TSPAN18: variants seen among roughly 807,000 people sequenced by gnomAD.
TSPAN18 encodes tetraspanin-18.
A neutral mutation model predicts 27.3 loss-of-function variants in TSPAN18; 14 were observed. The ratio of observed to expected loss-of-function variants is 0.51; its 90% CI spans 0.34 to 0.80. The LOEUF is 0.80. Among genes scored for constraint, TSPAN18 ranks in the 30% least tolerant of loss-of-function variants. The pLI, the probability that TSPAN18 is intolerant of heterozygous loss-of-function variation, is 0.01. For missense variants in TSPAN18, 268 were observed against 323.9 expected (o/e 0.83, Z 1.32); for synonymous variants, 143 against 136.5 (o/e 1.05, Z -0.33).
rs75382772 is a variant in TSPAN18, at chr11:44,838,561, C to T, written c.-152-21767C>T. 4.7e-3 allele frequency among the ~76,000 whole-genome samples: 722 copies of T among 152,208 alleles called. 7 individuals are homozygous for T. Among genetic ancestry groups the T allele is most frequent in the African/African-American group, 0.017 (695 of 41,524 alleles). ...GTTGTCCTGGAATGTCAAGGTGCAGCCAATCAAATCACACGGGTCCTTACA... is the reference window on the plus strand; with the variant it reads ...GTTGTCCTGGAATGTCAAGGTGCAGTCAATCAAATCACACGGGTCCTTACA... On this transcript the variant is annotated intron_variant, in intron 2 of 9. Coordinates refer to ENST00000520358, the MANE Select transcript of TSPAN18 (RefSeq NM_130783.5).
intron 3 of TSPAN18, among the ~76,000 whole-genome samples, chr11:44,866,938 A>C (rs1413670136): frequency 1.3e-5 from 2 of 152,220 alleles, no homozygotes; most frequent in Non-Finnish European, 2.9e-5. Flanking sequence ...AAAAGTCTCA[A>C]GACATAATCC....
chr11:44,841,653 C>T (rs1857376715), intron 2 of TSPAN18, among the ~76,000 whole-genome samples: 1 of 152,098 alleles, frequency 6.6e-6, no homozygotes, highest in Admixed American at 6.5e-5. Context: ...TGCCCTAAAG[C>T]AGGTGAAGCT....
chr11:44,726,370 C>G (rs1205645754), upstream of TSPAN18: 1 of 152,420 alleles, frequency 6.6e-6, no homozygotes, highest in African/African-American at 2.4e-5. Flanking sequence ...CCCGCAAGAA[C>G]CTCAGCCCTG....
intron 3 of TSPAN18, among the ~76,000 whole-genome samples, chr11:44,887,424 T>C (rs1322234908): frequency 6.6e-6 from 1 of 152,236 alleles, no homozygotes; most frequent in Non-Finnish European, 1.5e-5. Flanking sequence ...GGTATAGCCT[T>C]GGGGGAGTCA....
At chr11:44,742,954 G>C (rs1223245211) in intron 1 of TSPAN18, among the ~76,000 whole-genome samples, 1 of 152,170 alleles carries the variant, frequency 6.6e-6, no homozygotes, top group Non-Finnish European at 1.5e-5. Context: ...TGGGGGGGCT[G>C]GCATCTGCTC....
At chr11:44,886,694 C>G (rs1858666648) in intron 3 of TSPAN18, 1 of 152,214 alleles carries the variant, frequency 6.6e-6, no homozygotes, top group South Asian at 2.1e-4. Flanking sequence ...GTGGGGGTTG[C>G]CTTCCTTCCT....
At chr11:44,859,162 G>A (rs769744816) in intron 2 of TSPAN18, among the ~76,000 whole-genome samples, 4 of 152,176 alleles carry the variant, frequency 2.6e-5, no homozygotes, top group South Asian at 2.1e-4. Context: ...GGGGGCCCAC[G>A]CAGGTCTCTG....
intron 3 of TSPAN18, among the ~76,000 whole-genome samples, chr11:44,863,587 A>G (rs1857954312): frequency 6.6e-6 from 1 of 152,220 alleles, no homozygotes; most frequent in African/African-American, 2.4e-5. Context: ...GAGCATTGCA[A>G]GCAGCTGCCC....
chr11:44,864,137 A>G (rs780569888), intron 3 of TSPAN18, among the ~76,000 whole-genome samples: 62 of 152,110 alleles, frequency 4.1e-4, no homozygotes, highest in Non-Finnish European at 6.6e-4. Context: ...AAATACAAAA[A>G]TTAGCCGGGT....
intron 8 of TSPAN18, among the ~76,000 whole-genome samples, chr11:44,920,592 CT>C (rs1860093160): frequency 6.6e-6 from 1 of 152,170 alleles, no homozygotes; most frequent in Non-Finnish European, 1.5e-5. Context: ...CCCACACACC[CT>C]TATGAGTTCA....
chr11:44,753,600 G>A (rs1438225575), intron 1 of TSPAN18, among the ~76,000 whole-genome samples: 3 of 152,040 alleles, frequency 2.0e-5, no homozygotes, highest in South Asian at 2.1e-4. Flanking sequence ...TTCTCCATTC[G>A]AACTGAGTTT....
intron 2 of TSPAN18, among the ~76,000 whole-genome samples, chr11:44,786,606 A>C (rs1036177287): frequency 6.8e-6 from 1 of 147,354 alleles, no homozygotes; most frequent in Non-Finnish European, 1.5e-5. Flanking sequence ...TGCTACCTGC[A>C]CAGGATTATC....
intron 3 of TSPAN18, among the ~76,000 whole-genome samples, chr11:44,885,469 C>T (rs1194126721): frequency 2.6e-5 from 4 of 152,096 alleles, no homozygotes; most frequent in East Asian, 1.9e-4. Context: ...GAGAGCCTGA[C>T]GGGTTGGTGG....
intron 2 of TSPAN18, among the ~76,000 whole-genome samples, chr11:44,817,265 G>A (rs180763678): frequency 2.2e-4 from 34 of 152,342 alleles, no homozygotes; most frequent in Non-Finnish European, 2.9e-5. Flanking sequence ...AGTAAAATGG[G>A]ATTTATATTG....
chr11:44,900,284 G>T (rs569518886), intron 3 of TSPAN18, among the ~76,000 whole-genome samples: 57 of 152,328 alleles, frequency 3.7e-4, no homozygotes, highest in African/African-American at 1.4e-3. Context: ...GGCTGTCCCT[G>T]CTGGAGAATA....
intron 7 of TSPAN18, 34 bp from the exon 8 acceptor site, chr11:44,919,783 G>T: frequency 6.2e-7 from 1 of 1,610,342 alleles, no homozygotes; most frequent in South Asian, 1.1e-5. Flanking sequence ...TCCTCCTCCT[G>T]CCCACCAGAA....
chr11:44,804,391 A>G (rs1856548089), intron 2 of TSPAN18, among the ~76,000 whole-genome samples: 1 of 152,246 alleles, frequency 6.6e-6, no homozygotes. Flanking sequence ...GCGCCCAGCC[A>G]GTAAGTTTCT....
chr11:44,777,120 C>T (rs1855829128), intron 2 of TSPAN18, among the ~76,000 whole-genome samples: 1 of 152,192 alleles, frequency 6.6e-6, no homozygotes, highest in Non-Finnish European at 1.5e-5. Context: ...CTGCCATGGC[C>T]CCTGAAGTAG....
At chr11:44,741,160 G>A (rs1439085363) in intron 1 of TSPAN18, among the ~76,000 whole-genome samples, 9 of 152,214 alleles carry the variant, frequency 5.9e-5, no homozygotes, top group Admixed American at 5.2e-4. Context: ...ATGGAAATGG[G>A]GATGTTGTTT....
Sources: allele counts gnomAD v4.1 joint callset (sites outside exome capture counted in the v4.1 genomes callset), GRCh38; gene constraint gnomAD v4.1.1; transcripts MANE v1.5; gene names NCBI Gene and HGNC (gene_info 2026-07-23, HGNC 2026-07-21).